Variants in TMPRSS2 observed in about 807,000 individuals in gnomAD.
TMPRSS2 encodes the protein transmembrane serine protease 2, also known as transmembrane protease serine 2.
In TMPRSS2, 59 loss-of-function variants were observed where a neutral mutation model predicts 67.4. That is an observed-to-expected ratio of 0.88 (90% CI 0.71 to 1.09). The LOEUF (loss-of-function observed/expected upper bound fraction) is 1.09. Ranked by LOEUF, TMPRSS2 falls within the 50% of genes least tolerant of loss-of-function variation. The pLI, the probability that TMPRSS2 is intolerant of heterozygous loss-of-function variation, is 0.00. For synonymous variants in TMPRSS2, 257 were observed against 257.0 expected (o/e 1.00, Z 0.00); for missense variants, 668 against 642.7 (o/e 1.04, Z -0.43).
At chr21:41,502,641 T>G in intron 1 of TMPRSS2, 2 of 963,822 alleles carry the variant, frequency 2.1e-6, no homozygotes, top group Non-Finnish European at 2.5e-6. Flanking sequence ...ATAGAATGCA[T>G]GACTAAATGA....
At position 41,488,466 on chromosome 21, in the gene TMPRSS2, T is replaced by TG; in HGVS notation, c.372_373insC (p.Thr125HisfsTer7). 1 of 1,613,946 alleles carries TG rather than the reference T, an allele frequency of 6.2e-7. No homozygotes were observed. The highest frequency in any genetic ancestry group is 1.3e-5 in the African/African-American group (1 of 75,050). On this transcript the variant is annotated frameshift_variant, in exon 5 of 14. Transcript: ENST00000332149. LOFTEE classifies it high-confidence loss of function. ...CACCAGTTAGAGGGGTTGATGCAGG[T>TG]ACCTGAGGAGTCGCACTCTATCCCA...
In TMPRSS2 at chr21:41,498,000, C is replaced by T. The variant is rs181592444; in HGVS notation, c.15+119G>A. 4.7e-4 allele frequency: 347 copies of T among 732,816 alleles called. 3 individuals are homozygous for T. The highest frequency in any genetic ancestry group is 4.2e-3 in the East Asian group (158 of 37,642). 45.4% of individuals were successfully genotyped at this position (732,816 alleles called of 1,614,324 possible). On this transcript the variant is annotated intron_variant, in intron 2 of 13. Coordinates refer to ENST00000332149, the MANE Select transcript of TMPRSS2 (RefSeq NM_005656.4). Reference sequence around the variant, plus strand: ...TAGAGGGTGCCTTGAACAGCATCAGCGTGGCCCGGCGTTCCCTACAAATAG... The same window carrying T: ...TAGAGGGTGCCTTGAACAGCATCAGTGTGGCCCGGCGTTCCCTACAAATAG...
chr21:41,494,420 C>G lies in TMPRSS2; in HGVS notation c.174G>C (p.Thr58=), dbSNP rs746239081. The G allele has an allele frequency of 6.2e-7, 1 of 1,611,960 alleles. No homozygotes were observed. Among genetic ancestry groups the G allele is most frequent in the East Asian group, 2.2e-5 (1 of 44,852 alleles). Residue 58 remains threonine (T), a synonymous_variant, in exon 3 of 14, where the codon ACG becomes ACC. Transcript: ENST00000332149. Reference sequence around the variant, plus strand: ...TGCAGACGACGGGGTTGGAAGCCTGCGTCAGGACCCTCGGGGCGTACTGGG... The same window carrying G: ...TGCAGACGACGGGGTTGGAAGCCTGGGTCAGGACCCTCGGGGCGTACTGGG... ...PVPQYAPRVL[T]QASNPVVCTQ...
rs2091070819 is a variant in TMPRSS2 at position 41,464,708 on chromosome 21, T to G, written c.*1434A>C. ...AGACGTTTTCACCATTACAACACCT[T>G]TTAGGATGTGTCTTGGGGAGCAAGC... On this transcript the variant is annotated 3_prime_UTR_variant, in exon 14 of 14. Coordinates refer to ENST00000332149, the MANE Select transcript of TMPRSS2 (RefSeq NM_005656.4). 8.6e-6 allele frequency: 2 copies of G among 233,164 alleles called. No individual in the cohort carries two copies. Among genetic ancestry groups the G allele is most frequent in the Admixed American group, 1.1e-4 (2 of 17,784 alleles). The allele number at this position is 233,164 out of a possible 1,614,324, so 14.4% of individuals were successfully genotyped here. A position where few individuals can be genotyped will look rare whatever the true frequency, so the allele number is the denominator to read the frequency against.
chr21:41,498,452 T>C (rs547257017), intron 1 of TMPRSS2, among the ~76,000 whole-genome samples: 11 of 152,126 alleles, frequency 7.2e-5, no homozygotes, highest in African/African-American at 2.7e-4. Flanking sequence ...TGGGGTGCAA[T>C]TGTAAGTGCA....
At chr21:41,498,255 A>G (rs2091399688) in intron 1 of TMPRSS2, 66 bp from the exon 2 acceptor site, 2 of 1,098,688 alleles carry the variant, frequency 1.8e-6, no homozygotes, top group South Asian at 2.9e-5. Flanking sequence ...ATAAATCTGG[A>G]AAGAACTAGA....
rs1457361241 is a variant in TMPRSS2, at chr21:41,464,645, A to G, written c.*1497T>C. 2 of 233,100 alleles carry G rather than the reference A, an allele frequency of 8.6e-6. No individual in the cohort carries two copies. Among genetic ancestry groups the G allele is most frequent in the Non-Finnish European group, 1.7e-5 (2 of 117,990 alleles). 14.4% of individuals were successfully genotyped at this position (233,100 alleles called of 1,614,324 possible). A position where few individuals can be genotyped will look rare whatever the true frequency, so the allele number is the denominator to read the frequency against. On this transcript the variant is annotated 3_prime_UTR_variant, in exon 14 of 14. Transcript: ENST00000332149. ...AAAAAAGATACAAAAAAAGACAAACAGTTGTTCACATAAATAAGAAGGGGC... is the reference window on the plus strand; with the variant it reads ...AAAAAAGATACAAAAAAAGACAAACGGTTGTTCACATAAATAAGAAGGGGC...
intron 5 of TMPRSS2, among the ~76,000 whole-genome samples, chr21:41,482,068 A>G (rs1396346017): frequency 1.3e-5 from 2 of 152,122 alleles, no homozygotes; most frequent in Non-Finnish European, 2.9e-5. Context: ...CTCAATAAAT[A>G]AATAAATAAA....
Position 41,464,972 on chromosome 21 carries a change from T to C in TMPRSS2, c.*1170A>G, listed in dbSNP as rs548592256. ...ATGCAAAAGGGACCCTTCCCCTGGT[T>C]GGAAACCCACAGCATTGGAAGGGAC... On this transcript the variant is annotated 3_prime_UTR_variant, in exon 14 of 14. Transcript: ENST00000332149. 2.1e-5 allele frequency: 5 copies of C among 233,300 alleles called. No individual in the cohort carries two copies. In the East Asian group the frequency reaches 3.0e-4, roughly 14 times the overall value. The allele number at this position is 233,300 out of a possible 1,614,324, so 14.5% of individuals were successfully genotyped here.
At chr21:41,505,904 A>T (rs1384397142) in intron 1 of TMPRSS2, among the ~76,000 whole-genome samples, 1 of 152,246 alleles carries the variant, frequency 6.6e-6, no homozygotes, top group Non-Finnish European at 1.5e-5. Context: ...GGAGCCAGAC[A>T]GGCCATGTTT....
intron 8 of TMPRSS2, among the ~76,000 whole-genome samples, chr21:41,473,701 C>T (rs1261498002): frequency 6.6e-6 from 1 of 151,826 alleles, no homozygotes; most frequent in African/African-American, 2.4e-5. Context: ...GGAAGCACCA[C>T]TTCCCTGAAC....
At chr21:41,501,968 G>T (rs1244097662) in intron 1 of TMPRSS2, among the ~76,000 whole-genome samples, 3 of 152,234 alleles carry the variant, frequency 2.0e-5, no homozygotes, top group African/African-American at 7.2e-5. Context: ...CTTTAAGTGT[G>T]AAAGAGCAAC....
chr21:41,471,911 C>G lies in TMPRSS2; in HGVS notation c.970G>C (p.Ala324Pro). 6.2e-7 allele frequency: 1 copy of G among 1,613,484 alleles called. No homozygotes were observed. The change falls in exon 10 of 14, where the codon GCC becomes CCC. Residue 324 changes from alanine (A) to proline (P), a missense_variant. Physicochemically the swap from Ala to Pro is conservative, Grantham distance 27. Coordinates refer to ENST00000332149, the MANE Select transcript of TMPRSS2 (RefSeq NM_005656.4). ...ATCACTTTTTCTACTTGGTATCCGG[C>G]TCCATAGAACATGAAAGATTGTCTC... ...ILRQSFMFYG[A>P]GYQVEKVISH...
At chr21:41,477,543 C>T (rs1196097595) in intron 7 of TMPRSS2, among the ~76,000 whole-genome samples, 3 of 152,164 alleles carry the variant, frequency 2.0e-5, no homozygotes, top group Admixed American at 6.5e-5. Context: ...ATCTCTGCTT[C>T]CTCCAACCAC....
intron 11 of TMPRSS2, 25 bp downstream of exon 11, chr21:41,470,623 C>T (rs768933116): frequency 1.9e-5 from 31 of 1,609,818 alleles, no homozygotes; most frequent in Non-Finnish European, 2.6e-5. Context: ...GCCCTGCAGT[C>T]CTGTGTGCCC....
At position 41,478,025 on chromosome 21, in the gene TMPRSS2, G is replaced by A. The variant is rs925601761; in HGVS notation, c.683+1147C>T. On this transcript the variant is annotated intron_variant, in intron 7 of 13. Transcript: ENST00000332149. This position sits in a 1 kb window ranked among gnomAD's most constrained non-coding sequence, Gnocchi z 4.0. ...TCCTCCCCTCCCCCCGTCCCTGCCC[G>A]GCTGGACTTGGCTCCCTGATTCCGT... Among the ~76,000 whole-genome samples, 4 of 152,054 alleles carry A rather than the reference G, an allele frequency of 2.6e-5. No homozygotes were observed. The highest frequency in any genetic ancestry group is 6.5e-5 in the Admixed American group (1 of 15,274).
At chr21:41,468,932 T>C in intron 11 of TMPRSS2, 2 of 190,902 alleles carry the variant, frequency 1.0e-5, no homozygotes, top group East Asian at 2.4e-4. Context: ...CACACACTCT[T>C]CTGGAGCACA....
In TMPRSS2 at chr21:41,471,905, A is replaced by G. The variant is rs757214557; in HGVS notation, c.976T>C (p.Tyr326His). 80 of 1,613,454 alleles carry G rather than the reference A, an allele frequency of 5.0e-5. No individual in the cohort carries two copies. Among genetic ancestry groups the G allele is most frequent in the Non-Finnish European group, 6.6e-5 (78 of 1,179,884 alleles). Residue 326 changes from tyrosine (Y) to histidine (H), a missense_variant, in exon 10 of 14, where the codon TAC (tyrosine) becomes CAC (histidine). By Grantham distance (83) the Tyr-to-His change is moderately conservative. Coordinates refer to ENST00000332149, the MANE Select transcript of TMPRSS2 (RefSeq NM_005656.4). Reference protein sequence around the residue: ...RQSFMFYGAGYQVEKVISHPN... With the variant: ...RQSFMFYGAGHQVEKVISHPN... ...TGAGAAATCACTTTTTCTACTTGGT[A>G]TCCGGCTCCATAGAACATGAAAGAT...
intron 3 of TMPRSS2, 54 bp from the exon 4 acceptor site, chr21:41,489,647 C>T: frequency 8.3e-7 from 1 of 1,209,984 alleles, no homozygotes; most frequent in Non-Finnish European, 1.2e-6. Context: ...AGAAGTCATG[C>T]TCTCAAATGT....
Sources: allele counts gnomAD v4.1 joint callset (sites outside exome capture counted in the v4.1 genomes callset), GRCh38; gene constraint gnomAD v4.1.1; non-coding constraint Gnocchi (gnomAD v3.1); transcripts MANE v1.5; gene names NCBI Gene and HGNC (gene_info 2026-07-23, HGNC 2026-07-21).